MIA2: variants seen among roughly 807,000 people sequenced by gnomAD.
MIA2 encodes MIA SH3 domain ER export factor 2.
A neutral mutation model predicts 167.8 loss-of-function variants in MIA2; 127 were observed. The ratio of observed to expected loss-of-function variants is 0.76; its 90% CI spans 0.66 to 0.88. The LOEUF is 0.88. MIA2 is among the 40% of genes least tolerant of loss of function. MIA2 has a pLI of 0.00. For missense variants in MIA2, 1,690 were observed against 1,624.7 expected (o/e 1.04, Z -0.69); for synonymous variants, 552 against 541.9 (o/e 1.02, Z -0.26).
intron 11 of MIA2, among the ~76,000 whole-genome samples, chr14:39,293,702 A>G (rs1218520895): frequency 1.3e-5 from 2 of 152,196 alleles, no homozygotes; most frequent in East Asian, 3.8e-4. Flanking sequence ...TTCTTTTGAA[A>G]AAACCTGTCT....
intron 17 of MIA2, among the ~76,000 whole-genome samples, chr14:39,306,826 A>G (rs1034145252): frequency 6.6e-6 from 1 of 152,136 alleles, no homozygotes. Flanking sequence ...TTATCTTGAT[A>G]CCTTAATGTT....
At chr14:39,351,789 A>G (rs897986260), downstream of MIA2, among the ~76,000 whole-genome samples, 2 of 152,140 alleles carry the variant, frequency 1.3e-5, no homozygotes, top group African/African-American at 4.8e-5. Context: ...TTGTATTTTT[A>G]GTAGAGACAG....
chr14:39,375,396 T>C (rs1255802922), intron 23 of MIA2, among the ~76,000 whole-genome samples: 1 of 152,132 alleles, frequency 6.6e-6, no homozygotes, highest in African/African-American at 2.4e-5. Context: ...AATGAGAGCA[T>C]TAAAAGTTGT....
rs542857652 is a variant in MIA2, at chr14:39,312,280, A to G, written c.3018-1060A>G. 7.3e-5 allele frequency among the ~76,000 whole-genome samples: 11 copies of G among 151,142 alleles called. No individual in the cohort carries two copies. The South Asian group carries it at 1.9e-3, about 26-fold the overall frequency. On this transcript the variant is annotated intron_variant, in intron 18 of 28. Coordinates refer to ENST00000640607, the MANE Select transcript of MIA2 (RefSeq NM_001329214.4). ...GAATTTCTGGCTATCTTCAGTCTACACAGTCTGTAAAAACACATCTCTCTT... is the reference window on the plus strand; with the variant it reads ...GAATTTCTGGCTATCTTCAGTCTACGCAGTCTGTAAAAACACATCTCTCTT...
rs148837832 is a variant in MIA2 at position 39,234,204 on chromosome 14, A to G, written c.90A>G (p.Lys30=). ...LESTKLLADL[K]KCGDLECEAL... Reference sequence around the variant, plus strand: ...GTACAAAACTGCTGGCAGACCTTAAAAAATGTGGTGACTTGGAATGTGAAG... The same window carrying G: ...GTACAAAACTGCTGGCAGACCTTAAGAAATGTGGTGACTTGGAATGTGAAG... The change falls in exon 1 of 29, where the codon AAA becomes AAG. Residue 30 remains lysine, a synonymous_variant. Coordinates refer to ENST00000640607, the MANE Select transcript of MIA2 (RefSeq NM_001329214.4). 3.7e-6 allele frequency: 6 copies of G among 1,608,464 alleles called. No individual in the cohort carries two copies.
At position 39,240,593 on chromosome 14, in the gene MIA2, T is replaced by G; in HGVS notation, c.282T>G (p.Asp94Glu). 1 of 1,613,382 alleles carries G rather than the reference T, an allele frequency of 6.2e-7. No homozygotes were observed. Among genetic ancestry groups the G allele is most frequent in the Non-Finnish European group, 8.5e-7 (1 of 1,179,500 alleles). The change falls in exon 3 of 29, where the codon GAT becomes GAG. Residue 94 changes from aspartate (D) to glutamate (E), a missense_variant. Transcript: ENST00000640607. ...KGKEFGYFPR[D>E]AVQIEEVFIS... ...AGGAGTTTGGATATTTTCCCAGAGA[T>G]GCAGTCCAGATTGAAGAGGTGTTCA...
intron 25 of MIA2, among the ~76,000 whole-genome samples, chr14:39,333,723 C>T (rs189835225): frequency 4.6e-4 from 70 of 152,242 alleles, no homozygotes; most frequent in African/African-American, 1.5e-3. Context: ...GATGCTTAAG[C>T]GCTTCAGGCA....
At chr14:39,262,019 C>CT (rs1686149726) in intron 6 of MIA2, among the ~76,000 whole-genome samples, 1 of 152,106 alleles carries the variant, frequency 6.6e-6, no homozygotes, top group Non-Finnish European at 1.5e-5. Flanking sequence ...TTAATTTTGG[C>CT]TTTTGTTGCC....
chr14:39,267,013 A>G (rs1330335500), intron 6 of MIA2: 1 of 947,222 alleles, frequency 1.1e-6, no homozygotes, highest in African/African-American at 1.8e-5. Context: ...AAGCCTCTCC[A>G]CTACCAGGGC....
At chr14:39,304,460 A>G (rs2063013005) in intron 17 of MIA2, 79 bp downstream of exon 17, 1 of 782,328 alleles carries the variant, frequency 1.3e-6, no homozygotes, top group Admixed American at 3.3e-5. Context: ...AAATGAATTG[A>G]ATTAACTTTG....
At chr14:39,266,431 C>G (rs2055648285) in intron 6 of MIA2, 1 of 985,328 alleles carries the variant, frequency 1.0e-6, no homozygotes. Context: ...CGCACCGCGC[C>G]AGGCCAAGGT....
intron 23 of MIA2, among the ~76,000 whole-genome samples, chr14:39,381,724 G>C (rs1413282228): frequency 1.4e-5 from 2 of 148,140 alleles, no homozygotes; most frequent in Non-Finnish European, 3.0e-5. Flanking sequence ...CCAATTCAGA[G>C]GCCTTACTCC....
At chr14:39,276,660 T>A in intron 6 of MIA2, 1 of 324,514 alleles carries the variant, frequency 3.1e-6, no homozygotes, top group Non-Finnish European at 5.8e-6. Context: ...GGTCACTCAG[T>A]TTCTTTCTTT....
At chr14:39,260,145 T>C (rs1225920723) in intron 6 of MIA2, among the ~76,000 whole-genome samples, 1 of 152,202 alleles carries the variant, frequency 6.6e-6, no homozygotes, top group Non-Finnish European at 1.5e-5. Flanking sequence ...TCTGCTATTG[T>C]GAATAGTGCC....
chr14:39,339,522 G>A (rs531009826), intron 25 of MIA2, among the ~76,000 whole-genome samples: 7 of 152,050 alleles, frequency 4.6e-5, no homozygotes, highest in Middle Eastern at 3.2e-3. Context: ...GCTATAGTTT[G>A]TTTCATTTTT....
chr14:39,376,533 A>G (rs1447678591), intron 23 of MIA2, among the ~76,000 whole-genome samples: 2 of 152,252 alleles, frequency 1.3e-5, no homozygotes. Context: ...TTAAATCTTT[A>G]TTAACTGAAA....
intron 6 of MIA2, among the ~76,000 whole-genome samples, chr14:39,271,855 A>G (rs1234150744): frequency 6.6e-6 from 1 of 151,902 alleles, no homozygotes; most frequent in African/African-American, 2.4e-5. Context: ...AGTGGAATAG[A>G]ATTTATTAAG....
exon 24 of MIA2, chr14:39,387,008 A>C (rs1219790909): frequency 4.0e-6 from 3 of 751,532 alleles, no homozygotes; most frequent in Non-Finnish European, 6.9e-6. Context: ...GTATCTGTTC[A>C]AGTGGAACAG....
chr14:39,267,416 C>A (rs372657433), intron 6 of MIA2: 45 of 1,608,858 alleles, frequency 2.8e-5, no homozygotes, highest in Non-Finnish European at 3.6e-5. Context: ...GTGGCCCCGA[C>A]AGGCCGGGGT....
Sources: gnomAD v4.1 joint callset for allele counts (sites outside exome capture counted in the v4.1 genomes callset) on GRCh38, gnomAD v4.1.1 for gene constraint, MANE v1.5 for transcripts, NCBI Gene and HGNC (gene_info 2026-07-23, HGNC 2026-07-21) for gene names.